Variants in SLC25A28 observed in about 807,000 individuals in gnomAD.
The protein encoded by SLC25A28 is mitoferrin-2.
In SLC25A28, 10 loss-of-function variants were observed where a neutral mutation model predicts 31.9. The ratio of observed to expected loss-of-function variants is 0.31; its 90% CI spans 0.19 to 0.53. The LOEUF (loss-of-function observed/expected upper bound fraction) is 0.53, where lower values mean the gene tolerates loss of function less well. SLC25A28 is among the 20% of genes least tolerant of loss of function. SLC25A28 has a pLI of 0.95. For missense variants in SLC25A28, 256 were observed against 490.3 expected (o/e 0.52, Z 4.51); for synonymous variants, 208 against 203.6 (o/e 1.02, Z -0.19).
chr10:99,651,999 T>C, the SLC25A28 span: 1 of 152,350 alleles, frequency 6.6e-6, no homozygotes, highest in South Asian at 2.1e-4. Flanking sequence ...TTTTCTTCTC[T>C]ATTTTCTTTT....
At chr10:99,653,057 G>A in the SLC25A28 span, among the ~76,000 whole-genome samples, 7 of 152,062 alleles carry the variant, frequency 4.6e-5, no homozygotes, top group Admixed American at 1.3e-4. Flanking sequence ...TAAGGACTGC[G>A]GTAATTTAAA....
chr10:99,618,822 G>C (rs1028693848), intron 1 of SLC25A28: 3 of 985,232 alleles, frequency 3.0e-6, no homozygotes, highest in Non-Finnish European at 1.2e-6. Flanking sequence ...AACAGTACTG[G>C]AACCAAAGGG....
At chr10:99,633,672 A>AC in the SLC25A28 span, among the ~76,000 whole-genome samples, 4 of 2,180 alleles carry the variant, frequency 1.8e-3, no homozygotes, top group Admixed American at 0.023. Context: ...CTGTCTTAAG[A>AC]AAAAAAAAAA....
chr10:99,617,016 A>T (rs1589997258), intron 1 of SLC25A28: 1 of 985,220 alleles, frequency 1.0e-6, no homozygotes, highest in African/African-American at 1.7e-5. Flanking sequence ...ATATGTATAG[A>T]TACCATTTAC....
the SLC25A28 span, among the ~76,000 whole-genome samples, chr10:99,642,043 A>G: frequency 3.4e-3 from 510 of 149,092 alleles, 2 homozygotes; most frequent in Non-Finnish European, 6.1e-3. Flanking sequence ...TTGACTTGGC[A>G]ATGTGGGCTC....
chr10:99,631,878 A>ATTTTTCT, the SLC25A28 span, among the ~76,000 whole-genome samples: 1 of 92,904 alleles, frequency 1.1e-5, no homozygotes, highest in Non-Finnish European at 2.0e-5. Context: ...TCAGTATGTT[A>ATTTTTCT]TTTTTTTTTT....
Position 99,613,796 on chromosome 10 carries a change from G to C in SLC25A28, c.420C>G (p.Gly140=). ...AATAAAGGGCGTGGGCAGGCCCTGC[G>C]CCTGTTGCTGTGACGTTCAGCCCCC... The part of the protein sequence containing the change: ...PMRGLNVTAT[G]AGPAHALYFA... Residue 140 remains glycine, a synonymous_variant, in exon 2 of 4, where the codon GGC becomes GGG. Coordinates refer to ENST00000370495, the MANE Select transcript of SLC25A28 (RefSeq NM_031212.4). This position sits in a 1 kb window ranked among gnomAD's most constrained non-coding sequence, Gnocchi z 4.9. 1 of 1,614,194 alleles carries C rather than the reference G, an allele frequency of 6.2e-7. No individual in the cohort carries two copies. The highest frequency in any genetic ancestry group is 8.5e-7 in the Non-Finnish European group (1 of 1,180,026).
At chr10:99,635,584 A>C in the SLC25A28 span, among the ~76,000 whole-genome samples, 1 of 152,062 alleles carries the variant, frequency 6.6e-6, no homozygotes, top group Non-Finnish European at 1.5e-5. Flanking sequence ...AGGCTGAGGC[A>C]GGAGAATCAC....
At chr10:99,631,878 A>ATTTTTTTTTTTTTTT in the SLC25A28 span, among the ~76,000 whole-genome samples, 3 of 92,904 alleles carry the variant, frequency 3.2e-5, 1 homozygote, top group African/African-American at 4.1e-5. Flanking sequence ...TCAGTATGTT[A>ATTTTTTTTTTTTTTT]TTTTTTTTTT....
the SLC25A28 span, among the ~76,000 whole-genome samples, chr10:99,626,885 C>T: frequency 1.3e-3 from 191 of 151,898 alleles, 1 homozygote; most frequent in African/African-American, 4.5e-3. Flanking sequence ...TTCCTTATTC[C>T]ACTTTTGTCT....
chr10:99,616,515 C>T (rs886542727), intron 1 of SLC25A28: 9 of 984,958 alleles, frequency 9.1e-6, no homozygotes, highest in Middle Eastern at 5.2e-4. Flanking sequence ...CTGTATAAGT[C>T]ATTTCACAAA....
chr10:99,643,514 C>A, the SLC25A28 span, among the ~76,000 whole-genome samples: 6 of 152,150 alleles, frequency 3.9e-5, no homozygotes, highest in Non-Finnish European at 7.3e-5. Context: ...TTTCAAAAAA[C>A]CAGCTCCTGG....
At chr10:99,643,778 T>C in the SLC25A28 span, among the ~76,000 whole-genome samples, 1 of 152,208 alleles carries the variant, frequency 6.6e-6, no homozygotes, top group Non-Finnish European at 1.5e-5. Flanking sequence ...TTTGTTCTCA[T>C]TGGTTTCAAA....
chr10:99,613,537 TTG>T lies in SLC25A28; in HGVS notation c.520+157_520+158del. ...GAAAAGGCAGGGTTGAAGCGGCCCG[TTG>T]TCTGAGAACATCAGGTTTGGAAGTC... On this transcript the variant is annotated intron_variant, in intron 2 of 3. Coordinates refer to ENST00000370495, the MANE Select transcript of SLC25A28 (RefSeq NM_031212.4). This position sits in a 1 kb window ranked among gnomAD's most constrained non-coding sequence, Gnocchi z 4.9. 6.8e-7 allele frequency: 1 copy of T among 1,478,790 alleles called. No individual in the cohort carries two copies. Among genetic ancestry groups the T allele is most frequent in the South Asian group, 1.4e-5 (1 of 72,898 alleles). 91.6% of individuals were successfully genotyped at this position (1,478,790 alleles called of 1,614,324 possible).
chr10:99,616,550 T>C (rs974209597), intron 1 of SLC25A28: 1 of 985,286 alleles, frequency 1.0e-6, no homozygotes, highest in Admixed American at 6.1e-5. Flanking sequence ...TAACTGTCCT[T>C]AGCCACCAAT....
the SLC25A28 span, among the ~76,000 whole-genome samples, chr10:99,632,099 T>C: frequency 6.6e-6 from 1 of 151,030 alleles, no homozygotes; most frequent in Non-Finnish European, 1.5e-5. Context: ...GGTTTCACCT[T>C]GTTAGCCAGG....
At chr10:99,624,087 TTC>T (rs932234183), upstream of SLC25A28, among the ~76,000 whole-genome samples, 5 of 150,896 alleles carry the variant, frequency 3.3e-5, no homozygotes, top group African/African-American at 9.7e-5. Context: ...CCTTCCTTTC[TTC>T]TCTTTCTTTC....
chr10:99,630,768 T>TG, the SLC25A28 span, among the ~76,000 whole-genome samples: 1 of 152,144 alleles, frequency 6.6e-6, no homozygotes, highest in Non-Finnish European at 1.5e-5. Context: ...TAAAGTCTTC[T>TG]GGGGAAGACA....
the SLC25A28 span, among the ~76,000 whole-genome samples, chr10:99,630,995 T>C: frequency 0.014 from 2,097 of 151,388 alleles, 54 homozygotes; most frequent in African/African-American, 0.048. Context: ...GTAAGGGAGG[T>C]AGTGGAAGGA....
Sources: allele counts gnomAD v4.1 joint callset (sites outside exome capture counted in the v4.1 genomes callset), GRCh38; gene constraint gnomAD v4.1.1; non-coding constraint Gnocchi (gnomAD v3.1); transcripts MANE v1.5; gene names NCBI Gene and HGNC (gene_info 2026-07-23, HGNC 2026-07-21).